Variants in UCKL1 observed in about 807,000 individuals in gnomAD.
UCKL1 encodes the protein uridine-cytidine kinase 1 like 1.
UCKL1 carries 65 observed loss-of-function variants against 59.2 expected under a neutral mutation model. The ratio of observed to expected loss-of-function variants is 1.10; its 90% CI spans 0.90 to 1.35. The LOEUF is 1.35. Ranked by LOEUF, UCKL1 falls within the 40% of genes most tolerant of loss-of-function variation. UCKL1 has a pLI of 0.00. For synonymous variants in UCKL1, 410 were observed against 323.1 expected, an observed-to-expected ratio of 1.27 and a Z score of -2.88; for missense variants, 703 against 784.3, an observed-to-expected ratio of 0.90 and a Z score of 1.24.
chr20:63,947,362 C>T lies in UCKL1; in HGVS notation c.114-719G>A, dbSNP rs531647970. On this transcript the variant is annotated intron_variant, in intron 1 of 14. Coordinates refer to ENST00000354216, the MANE Select transcript of UCKL1 (RefSeq NM_017859.4). Reference sequence around the variant, plus strand: ...AAATGGACCACGTTCCCTTGCAACCCGGCACACTCTCTGGGCAGCCAAATC... The same window carrying T: ...AAATGGACCACGTTCCCTTGCAACCTGGCACACTCTCTGGGCAGCCAAATC... Among the ~76,000 whole-genome samples, 12 of 152,314 alleles carry T rather than the reference C, an allele frequency of 7.9e-5. No individual in the cohort carries two copies. The East Asian group carries it at 1.2e-3, about 15-fold the overall frequency.
intron 1 of UCKL1, chr20:63,955,929 C>G (rs962131742): frequency 4.6e-6 from 1 of 216,602 alleles, no homozygotes; most frequent in African/African-American, 2.3e-5. Context: ...CATAGACCAA[C>G]TCGCACAGTC....
At chr20:63,947,092 AC>A (rs1168349741) in intron 1 of UCKL1, among the ~76,000 whole-genome samples, 3 of 151,486 alleles carry the variant, frequency 2.0e-5, no homozygotes, top group Non-Finnish European at 4.4e-5. Flanking sequence ...AAAAAAAAAA[AC>A]CCTGCCTCCT....
intron 1 of UCKL1, chr20:63,951,003 C>T: frequency 7.7e-7 from 1 of 1,296,964 alleles, no homozygotes. Flanking sequence ...AGGACCACTC[C>T]TGTGGGCAGC....
intron 2 of UCKL1, 33 bp downstream of exon 2, chr20:63,946,420 C>A: frequency 1.3e-6 from 2 of 1,517,024 alleles, no homozygotes; most frequent in Non-Finnish European, 1.8e-6. Context: ...GGCAGGCGTC[C>A]GGCAGCAGGT....
chr20:63,947,066 G>A (rs1002101192), intron 1 of UCKL1, among the ~76,000 whole-genome samples: 1 of 151,770 alleles, frequency 6.6e-6, no homozygotes, highest in African/African-American at 2.4e-5. Flanking sequence ...GGGTGACAGA[G>A]TGAGACTCCA....
intron 1 of UCKL1, chr20:63,956,025 A>C (rs1475576607): frequency 7.5e-6 from 3 of 401,490 alleles, no homozygotes; most frequent in Admixed American, 4.8e-5. Context: ...GGGGGTGCGC[A>C]CCCGGACTCC....
At position 63,944,588 on chromosome 20, in the gene UCKL1, G is replaced by A. The variant is rs2055632410; in HGVS notation, c.801C>T (p.Tyr267=). ...CTGCCAGGCGCATGGTGGGCTGGAT[G>A]TACTGGTCGAAGGAGGGCTTGACAA... is the stretch of plus-strand genomic sequence containing the variant. ...NKFVKPSFDQ[Y]IQPTMRLADI... is the part of the protein sequence containing the mutation. Residue 267 remains tyrosine (Y), a synonymous_variant, in exon 6 of 15, where the codon TAC becomes TAT. Coordinates refer to ENST00000354216, the MANE Select transcript of UCKL1 (RefSeq NM_017859.4). 1 of 1,612,974 alleles carries A rather than the reference G, an allele frequency of 6.2e-7. No individual in the cohort carries two copies. Among genetic ancestry groups the A allele is most frequent in the Non-Finnish European group, 8.5e-7 (1 of 1,179,814 alleles).
chr20:63,941,640 T>C (rs2054467876), intron 8 of UCKL1: 1 of 219,718 alleles, frequency 4.6e-6, no homozygotes, highest in Non-Finnish European at 1.0e-5. Flanking sequence ...CCCTGGCTCC[T>C]CCCCGAGGTG....
chr20:63,948,747 C>A (rs1038957091), intron 1 of UCKL1, among the ~76,000 whole-genome samples: 1 of 149,226 alleles, frequency 6.7e-6, no homozygotes, highest in Non-Finnish European at 1.5e-5. Context: ...CACACACCAG[C>A]CCTAACCATG....
intron 1 of UCKL1, chr20:63,951,160 C>T: frequency 2.8e-6 from 3 of 1,054,704 alleles, no homozygotes; most frequent in South Asian, 8.8e-5. Flanking sequence ...CCTCAGAGGC[C>T]AAGGCCACAG....
At position 63,946,475 on chromosome 20, in the gene UCKL1, T is replaced by C; in HGVS notation, c.282A>G (p.Gln94=). The change falls in exon 2 of 15, where the codon CAA becomes CAG. Residue 94 remains glutamine, a synonymous_variant. Coordinates refer to ENST00000354216, the MANE Select transcript of UCKL1 (RefSeq NM_017859.4). The part of the protein sequence containing the change: ...RPPWYNEHGT[Q]SKEAFAIGLG... ...CACCGATGGCGAAGGCCTCTTTGGATTGCGTGCCGTGTTCATTGTACCAGG... is the reference window on the plus strand; with the variant it reads ...CACCGATGGCGAAGGCCTCTTTGGACTGCGTGCCGTGTTCATTGTACCAGG... The C allele has an allele frequency of 6.4e-6, 10 of 1,569,950 alleles. No homozygotes were observed. The highest frequency in any genetic ancestry group is 8.6e-6 in the Non-Finnish European group (10 of 1,157,206).
At chr20:63,946,742 A>C in intron 1 of UCKL1, 99 bp from the exon 2 acceptor site, 76 of 1,270,730 alleles carry the variant, frequency 6.0e-5, no homozygotes, top group Non-Finnish European at 7.5e-5. Context: ...CACCCCCTCA[A>C]CAGGCATGGC....
intron 8 of UCKL1, chr20:63,942,488 C>G (rs1410317770): frequency 1.7e-6 from 2 of 1,175,376 alleles, no homozygotes; most frequent in Non-Finnish European, 2.1e-6. Context: ...ACGTAGCTTC[C>G]TCTGCTTGCC....
At chr20:63,941,771 G>C (rs942046539) in intron 8 of UCKL1, among the ~76,000 whole-genome samples, 1 of 152,106 alleles carries the variant, frequency 6.6e-6, no homozygotes, top group Non-Finnish European at 1.5e-5. Context: ...GTCTAGGAGC[G>C]GGCAGGAAAA....
chr20:63,946,788 T>G (rs961195024), intron 1 of UCKL1, 145 bp from the exon 2 acceptor site: 3 of 820,694 alleles, frequency 3.7e-6, no homozygotes, highest in Non-Finnish European at 5.6e-6. Flanking sequence ...ACATAAGAAC[T>G]CTGCCTGGGC....
In UCKL1 at chr20:63,941,180, G is replaced by A. The variant is rs2054289906; in HGVS notation, c.952C>T (p.His318Tyr). The A allele has an allele frequency of 1.9e-6, 3 of 1,565,594 alleles. No homozygotes were observed. The highest frequency in any genetic ancestry group is 2.6e-6 in the Non-Finnish European group (3 of 1,162,556). The change falls in exon 9 of 15, where the codon CAC becomes TAC. Residue 318 changes from histidine (H) to tyrosine (Y), a missense_variant. Transcript: ENST00000354216. ...ACGCTCAGCGTCCGGGGCAGCGGGT[G>A]GCACTGGTGTGCCGAGGCCAGCGCA... The part of the protein sequence containing the change: ...RAALASAHQC[H>Y]PLPRTLSVLK...
intron 1 of UCKL1, chr20:63,950,985 C>T: frequency 7.6e-7 from 1 of 1,311,666 alleles, no homozygotes; most frequent in Non-Finnish European, 9.7e-7. Flanking sequence ...ACTGGCCCTT[C>T]CATGGGCAGG....
chr20:63,953,913 T>G (rs1250605338), intron 1 of UCKL1: 1 of 152,532 alleles, frequency 6.6e-6, no homozygotes, highest in African/African-American at 2.4e-5. Flanking sequence ...TCAGGCCTGT[T>G]CTACCACCCC....
Position 63,941,167 on chromosome 20 carries a change from CG to C in UCKL1, c.964del (p.Arg322GlyfsTer3). ...ASAHQCHPLP[R>X]TLSVLKSTPQ... Reference sequence around the variant, plus strand: ...CGTGCTCTTCAGGACGCTCAGCGTCCGGGGCAGCGGGTGGCACTGGTGTGCC... The same window carrying C: ...CGTGCTCTTCAGGACGCTCAGCGTCCGGGCAGCGGGTGGCACTGGTGTGCC... On this transcript the variant is annotated frameshift_variant, in exon 9 of 15. Coordinates refer to ENST00000354216, the MANE Select transcript of UCKL1 (RefSeq NM_017859.4). LOFTEE classifies it high-confidence loss of function. The C allele has an allele frequency of 6.4e-7, 1 of 1,574,390 alleles. No homozygotes were observed.
Sources: allele counts gnomAD v4.1 joint callset (sites outside exome capture counted in the v4.1 genomes callset), GRCh38; gene constraint gnomAD v4.1.1; transcripts MANE v1.5; gene names NCBI Gene and HGNC (gene_info 2026-07-23, HGNC 2026-07-21).